The following KCNMA1 variants were observed in gnomAD, a reference collection of about 807,000 sequenced individuals.
The protein encoded by KCNMA1 is Calcium-activated potassium channel subunit alpha-1.
In KCNMA1, 29 loss-of-function variants were observed where a neutral mutation model predicts 140.0. The ratio of observed to expected loss-of-function variants is 0.21; its 90% CI spans 0.15 to 0.28. The LOEUF (loss-of-function observed/expected upper bound fraction) is 0.28, where lower values mean the gene tolerates loss of function less well. KCNMA1 is among the 10% of genes least tolerant of loss of function. The probability of loss-of-function intolerance (pLI) is 1.00; values close to 1 mark genes in which losing one functional copy is unlikely to be tolerated. For missense variants in KCNMA1, 880 were observed against 1,602.2 expected (o/e 0.55, Z 7.70); for synonymous variants, 612 against 611.9 (o/e 1.00, Z 0.00).
chr10:77,579,016 G>A (rs552442835), intron 1 of KCNMA1, among the ~76,000 whole-genome samples: 10 of 152,306 alleles, frequency 6.6e-5, no homozygotes, highest in South Asian at 2.1e-4. Context: ...TCCCGGAGTC[G>A]TTGGGCTTCT....
At chr10:77,128,359 T>A (rs952797607) in intron 5 of KCNMA1, among the ~76,000 whole-genome samples, 9 of 151,734 alleles carry the variant, frequency 5.9e-5, no homozygotes, top group Non-Finnish European at 1.2e-4. Flanking sequence ...TCCCTTTTTT[T>A]AAAATTTTTT....
At chr10:77,633,118 A>C (rs758459913) in intron 1 of KCNMA1, among the ~76,000 whole-genome samples, 30 of 152,172 alleles carry the variant, frequency 2.0e-4, no homozygotes, top group Non-Finnish European at 3.4e-4. Context: ...AGATCAAGAC[A>C]ATCCTGGCCA....
At chr10:77,422,777 G>A (rs894568531) in intron 1 of KCNMA1, among the ~76,000 whole-genome samples, 70 of 152,176 alleles carry the variant, frequency 4.6e-4, no homozygotes, top group African/African-American at 1.6e-3. Flanking sequence ...AGCAGAGACT[G>A]GAGTGGTGGC....
rs1366186748 is a variant in KCNMA1 at position 77,108,314 on chromosome 10, C to T, written c.1223+167G>A. 10 of 1,518,546 alleles carry T rather than the reference C, an allele frequency of 6.6e-6. No homozygotes were observed. The highest frequency in any genetic ancestry group is 1.4e-5 in the African/African-American group (1 of 71,684). The allele number at this position is 1,518,546 out of a possible 1,614,324, so 94.1% of individuals were successfully genotyped here. A position where few individuals can be genotyped will look rare whatever the true frequency, so the allele number is the denominator to read the frequency against. On this transcript the variant is annotated intron_variant, in intron 9 of 27. Transcript: ENST00000286628. This position sits in a 1 kb window ranked among gnomAD's most constrained non-coding sequence, Gnocchi z 4.6. ...CTGCCTCCATGTTTGTTAAAAGTCC[C>T]GCCGAATTTATTCCGACTCAGGATG... is the stretch of plus-strand genomic sequence containing the variant.
chr10:77,634,653 G>A (rs2154571649), intron 1 of KCNMA1: 1 of 985,266 alleles, frequency 1.0e-6, no homozygotes, highest in Non-Finnish European at 1.2e-6. Context: ...TTCTGGAAAG[G>A]CAGCCTATGT....
chr10:77,380,664 T>C (rs1485833562), intron 2 of KCNMA1, among the ~76,000 whole-genome samples: 1 of 152,160 alleles, frequency 6.6e-6, no homozygotes, highest in Non-Finnish European at 1.5e-5. Flanking sequence ...TAGATCCACA[T>C]CTGGTTCTGA....
At chr10:77,099,688 T>C (rs1167012549) in intron 9 of KCNMA1, among the ~76,000 whole-genome samples, 3 of 143,950 alleles carry the variant, frequency 2.1e-5, no homozygotes, top group Admixed American at 7.1e-5. Context: ...CACTCCAGCC[T>C]GGGCAACAAG....
At chr10:77,137,962 T>A (rs866375660) in intron 5 of KCNMA1, among the ~76,000 whole-genome samples, 2 of 152,118 alleles carry the variant, frequency 1.3e-5, no homozygotes, top group African/African-American at 4.8e-5. Context: ...TGACACAGTT[T>A]CACCATGTTG....
intron 2 of KCNMA1, among the ~76,000 whole-genome samples, chr10:77,277,516 C>T (rs1011598941): frequency 3.3e-5 from 5 of 152,146 alleles, no homozygotes; most frequent in East Asian, 3.8e-4. Context: ...GAAGCTGGGA[C>T]GGACCACAGC....
intron 1 of KCNMA1, among the ~76,000 whole-genome samples, chr10:77,597,088 C>A (rs1214909647): frequency 1.3e-5 from 2 of 152,118 alleles, no homozygotes; most frequent in Admixed American, 1.3e-4. Flanking sequence ...TCTCTCAACA[C>A]CAGCATGAAA....
At chr10:76,941,081 G>GAA (rs2062045526) in intron 23 of KCNMA1, among the ~76,000 whole-genome samples, 1 of 118,914 alleles carries the variant, frequency 8.4e-6, no homozygotes, top group Non-Finnish European at 1.6e-5. Flanking sequence ...AAGAAAGAAA[G>GAA]AAAGAGAAAG....
chr10:77,587,227 T>G (rs780318392), intron 1 of KCNMA1: 3 of 151,890 alleles, frequency 2.0e-5, no homozygotes, highest in Non-Finnish European at 2.9e-5. Flanking sequence ...GGCCGTAGCA[T>G]CATCTCTGCT....
chr10:77,537,393 CAA>C (rs937063775), intron 1 of KCNMA1, among the ~76,000 whole-genome samples: 14 of 152,266 alleles, frequency 9.2e-5, no homozygotes, highest in African/African-American at 3.4e-4. Context: ...CACCTTGCTC[CAA>C]AAGTCACATC....
chr10:77,489,708 C>A (rs1256179391), intron 1 of KCNMA1, among the ~76,000 whole-genome samples: 2 of 152,232 alleles, frequency 1.3e-5, no homozygotes, highest in African/African-American at 4.8e-5. Flanking sequence ...ATAGGAAAAC[C>A]TGGTTTTTCC....
chr10:77,443,356 A>C (rs1484091817), intron 1 of KCNMA1, among the ~76,000 whole-genome samples: 2 of 152,096 alleles, frequency 1.3e-5, no homozygotes, highest in Non-Finnish European at 2.9e-5. Context: ...CTATCCCCCC[A>C]TCATGGGCAT....
chr10:77,462,109 T>C (rs1284591342), intron 1 of KCNMA1, among the ~76,000 whole-genome samples: 1 of 150,234 alleles, frequency 6.7e-6, no homozygotes, highest in Non-Finnish European at 1.5e-5. Flanking sequence ...CACAGAAACA[T>C]GCACACACTA....
intron 3 of KCNMA1, among the ~76,000 whole-genome samples, chr10:77,234,618 A>G (rs887554769): frequency 2.6e-5 from 4 of 152,240 alleles, no homozygotes; most frequent in Admixed American, 2.6e-4. Context: ...TTATGCCATC[A>G]TCATCATTAG....
intron 14 of KCNMA1, among the ~76,000 whole-genome samples, chr10:77,058,060 A>AC (rs1230103666): frequency 8.7e-5 from 13 of 150,016 alleles, no homozygotes; most frequent in Non-Finnish European, 1.7e-4. Context: ...CAAACAAAAA[A>AC]GAGGAGAAAA....
intron 21 of KCNMA1, chr10:76,952,125 A>C (rs1026134847): frequency 8.4e-6 from 13 of 1,551,676 alleles, no homozygotes; most frequent in Non-Finnish European, 1.1e-5. Context: ...AGTCATTAAA[A>C]CCCTAGGTCC....
Sources: allele counts gnomAD v4.1 joint callset (sites outside exome capture counted in the v4.1 genomes callset), GRCh38; gene constraint gnomAD v4.1.1; non-coding constraint Gnocchi (gnomAD v3.1); transcripts MANE v1.5; gene names NCBI Gene and HGNC (gene_info 2026-07-23, HGNC 2026-07-21).